The following UST variants were observed in gnomAD, a reference collection of about 807,000 sequenced individuals.
UST encodes uronyl 2-sulfotransferase.
In UST, 21 loss-of-function variants were observed where a neutral mutation model predicts 45.6. The ratio of observed to expected loss-of-function variants is 0.46; its 90% CI spans 0.33 to 0.66. UST has a LOEUF of 0.66. Among genes scored for constraint, UST ranks in the 30% least tolerant of loss-of-function variants. The probability of loss-of-function intolerance (pLI) is 0.02; values close to 1 mark genes in which losing one functional copy is unlikely to be tolerated. For synonymous variants in UST, 215 were observed against 200.6 expected, an observed-to-expected ratio of 1.07 and a Z score of -0.61; for missense variants, 463 against 512.4, an observed-to-expected ratio of 0.90 and a Z score of 0.93.
intron 7 of UST, among the ~76,000 whole-genome samples, chr6:149,063,823 T>C (rs574953431): frequency 3.2e-4 from 48 of 152,352 alleles, no homozygotes; most frequent in African/African-American, 1.1e-3. Flanking sequence ...GCTTTTGTCC[T>C]GATCACTCAG....
chr6:148,789,453 T>TCTCTCTCA (rs1199697244), intron 1 of UST, among the ~76,000 whole-genome samples: 2 of 134,224 alleles, frequency 1.5e-5, no homozygotes, highest in African/African-American at 5.9e-5. Context: ...TCTCTCTCTC[T>TCTCTCTCA]CACACACACA....
At chr6:148,913,185 C>G (rs958406880) in intron 2 of UST, among the ~76,000 whole-genome samples, 1 of 152,280 alleles carries the variant, frequency 6.6e-6, no homozygotes, top group African/African-American at 2.4e-5. Context: ...AATTGCCCAA[C>G]TGGAAACTAA....
intron 7 of UST, among the ~76,000 whole-genome samples, chr6:149,065,098 G>A (rs1776713028): frequency 6.6e-6 from 1 of 152,162 alleles, no homozygotes; most frequent in Non-Finnish European, 1.5e-5. Flanking sequence ...ATGGAGTGAG[G>A]TCTTCACTTC....
chr6:149,009,300 C>T (rs114612877), intron 5 of UST, among the ~76,000 whole-genome samples: 29 of 151,842 alleles, frequency 1.9e-4, no homozygotes, highest in African/African-American at 5.3e-4. Flanking sequence ...GAAAGAGTAA[C>T]GATTATAAAA....
intron 2 of UST, among the ~76,000 whole-genome samples, chr6:148,900,847 C>T (rs148502580): frequency 1.3e-5 from 2 of 152,316 alleles, no homozygotes; most frequent in East Asian, 3.9e-4. Flanking sequence ...CTTCTGGAAG[C>T]TCTGGGGCAA....
chr6:149,027,626 C>G (rs547425770), intron 7 of UST: 189 of 152,294 alleles, frequency 1.2e-3, no homozygotes, highest in African/African-American at 4.4e-3. Context: ...TTCGTGTCCT[C>G]TAGGACAGGA....
At chr6:148,809,286 A>G (rs752376761) in intron 1 of UST, among the ~76,000 whole-genome samples, 50 of 151,966 alleles carry the variant, frequency 3.3e-4, no homozygotes, top group Admixed American at 1.5e-3. Context: ...CTGTCACACT[A>G]AACCACACGG....
intron 1 of UST, among the ~76,000 whole-genome samples, chr6:148,824,248 A>G (rs758098061): frequency 1.3e-5 from 2 of 152,236 alleles, no homozygotes; most frequent in Non-Finnish European, 2.9e-5. Context: ...TGAGGGTTGA[A>G]TCACAGGAAT....
intron 2 of UST, among the ~76,000 whole-genome samples, chr6:148,915,074 C>A (rs576402983): frequency 6.6e-6 from 1 of 152,134 alleles, no homozygotes; most frequent in Admixed American, 6.5e-5. Context: ...TTTATAAGAG[C>A]ACTAATCCCG....
intron 1 of UST, among the ~76,000 whole-genome samples, chr6:148,828,550 G>A (rs908384230): frequency 4.6e-5 from 7 of 152,166 alleles, no homozygotes; most frequent in African/African-American, 1.7e-4. Flanking sequence ...GATTGCCTGG[G>A]TTAAAATTCT....
chr6:148,928,667 G>A (rs1039831825), intron 2 of UST, among the ~76,000 whole-genome samples: 4 of 152,180 alleles, frequency 2.6e-5, no homozygotes, highest in African/African-American at 4.8e-5. Flanking sequence ...GGTGGATTGC[G>A]TCTAGATTCC....
chr6:148,841,587 G>GTT (rs34969510), intron 1 of UST, among the ~76,000 whole-genome samples: 2 of 122,022 alleles, frequency 1.6e-5, no homozygotes, highest in Non-Finnish European at 3.7e-5. Context: ...TTTTGTTTTT[G>GTT]TTTTTTTTTT....
chr6:149,040,843 ACTG>A (rs1378972710), intron 7 of UST, among the ~76,000 whole-genome samples: 5 of 152,176 alleles, frequency 3.3e-5, no homozygotes, highest in African/African-American at 1.2e-4. Flanking sequence ...GCCTCTCCTT[ACTG>A]GTTTCTGTTT....
Position 149,069,282 on chromosome 6 carries a change from G to A in UST, c.938-4551G>A, listed in dbSNP as rs75970307. On this transcript the variant is annotated intron_variant, in intron 7 of 7. Coordinates refer to ENST00000367463, the MANE Select transcript of UST (RefSeq NM_005715.3). ...CATAGTAGAAGGGTTGCTGGATCAT[G>A]GTAGTTCTATTTTTAGTTTTTTGAG... Among the ~76,000 whole-genome samples, 1,290 of 152,220 alleles carry A rather than the reference G, an allele frequency of 8.5e-3. 16 individuals carry two copies. Among genetic ancestry groups the A allele is most frequent in the African/African-American group, 0.03 (1,235 of 41,542 alleles).
intron 5 of UST, among the ~76,000 whole-genome samples, chr6:148,976,229 T>C (rs969161218): frequency 3.3e-5 from 5 of 152,218 alleles, no homozygotes; most frequent in African/African-American, 9.6e-5. Flanking sequence ...TCAGAAATTA[T>C]AAGTAGTGGT....
At chr6:148,911,883 C>A (rs1752879693) in intron 2 of UST, among the ~76,000 whole-genome samples, 1 of 151,926 alleles carries the variant, frequency 6.6e-6, no homozygotes, top group South Asian at 2.1e-4. Context: ...TCCTTTTTGC[C>A]AGCAAAGAAA....
intron 7 of UST, among the ~76,000 whole-genome samples, chr6:149,040,522 G>A (rs1313746682): frequency 6.6e-6 from 1 of 152,092 alleles, no homozygotes; most frequent in Non-Finnish European, 1.5e-5. Flanking sequence ...AGGCATGGTG[G>A]TGCATGCCTG....
rs150588830 is a variant in UST, at chr6:148,958,658, C to G, written c.527+4707C>G. On this transcript the variant is annotated intron_variant, in intron 4 of 7. Coordinates refer to ENST00000367463, the MANE Select transcript of UST (RefSeq NM_005715.3). Reference sequence around the variant, plus strand: ...CAACATCAACAGCATCCCTCCAAATCTATCTTAGATCCACACACTAGAAAG... The same window carrying G: ...CAACATCAACAGCATCCCTCCAAATGTATCTTAGATCCACACACTAGAAAG... Among the ~76,000 whole-genome samples the G allele has an allele frequency of 3.2e-4, 48 of 152,196 alleles. No individual in the cohort carries two copies. In the East Asian group the frequency reaches 8.7e-3, roughly 28 times the overall value.
intron 2 of UST, among the ~76,000 whole-genome samples, chr6:148,910,984 C>A (rs1779463660): frequency 1.3e-5 from 2 of 152,142 alleles, no homozygotes; most frequent in South Asian, 4.1e-4. Flanking sequence ...TGTCCTCTGT[C>A]CAGGATTGTC....
Sources: gnomAD v4.1 joint callset for allele counts (sites outside exome capture counted in the v4.1 genomes callset) on GRCh38, gnomAD v4.1.1 for gene constraint, MANE v1.5 for transcripts, NCBI Gene and HGNC (gene_info 2026-07-23, HGNC 2026-07-21) for gene names.